Variants in RXFP1 observed in about 807,000 individuals in gnomAD.
RXFP1 encodes the protein relaxin receptor 1.
RXFP1 carries 73 observed loss-of-function variants against 89.8 expected under a neutral mutation model. That is an observed-to-expected ratio of 0.81 (90% confidence interval 0.67 to 0.99). The LOEUF (loss-of-function observed/expected upper bound fraction) is 0.99. Among genes scored for constraint, RXFP1 ranks in the 50% least tolerant of loss-of-function variants. The probability of loss-of-function intolerance (pLI) is 0.00; values close to 1 mark genes in which losing one functional copy is unlikely to be tolerated. For missense variants in RXFP1, 793 were observed against 895.5 expected (o/e 0.89, Z 1.46); for synonymous variants, 277 against 305.5 (o/e 0.91, Z 0.97).
intron 1 of RXFP1, among the ~76,000 whole-genome samples, chr4:158,542,644 T>A (rs1747098381): frequency 6.6e-6 from 1 of 152,226 alleles, no homozygotes; most frequent in African/African-American, 2.4e-5. Context: ...AAACATCACA[T>A]TTATCTATCC....
At chr4:158,546,348 G>C (rs918938318) in intron 1 of RXFP1, among the ~76,000 whole-genome samples, 1 of 152,090 alleles carries the variant, frequency 6.6e-6, no homozygotes, top group Non-Finnish European at 1.5e-5. Context: ...AAGAGATTTT[G>C]GGCTGAGACA....
At chr4:158,649,747 C>A (rs914672393) in intron 17 of RXFP1, among the ~76,000 whole-genome samples, 1 of 152,158 alleles carries the variant, frequency 6.6e-6, no homozygotes, top group African/African-American at 2.4e-5. Flanking sequence ...TTGTGAATTG[C>A]TGGTAGAAAA....
intron 1 of RXFP1, among the ~76,000 whole-genome samples, chr4:158,546,230 T>C (rs1043201123): frequency 2.6e-4 from 40 of 152,188 alleles, no homozygotes; most frequent in African/African-American, 6.5e-4. Context: ...TGGGAGTTCA[T>C]TCATGATTTG....
At chr4:158,558,363 C>G (rs532602349) in intron 1 of RXFP1, among the ~76,000 whole-genome samples, 9 of 152,302 alleles carry the variant, frequency 5.9e-5, no homozygotes, top group African/African-American at 2.2e-4. Context: ...TTGAGCCTTC[C>G]TTATTCATAG....
intron 1 of RXFP1, among the ~76,000 whole-genome samples, chr4:158,534,269 CAG>C (rs1744757139): frequency 7.2e-6 from 1 of 139,114 alleles, no homozygotes; most frequent in Non-Finnish European, 1.5e-5. Flanking sequence ...TTTTTTGAGA[CAG>C]AGTTTCGCTC....
intron 1 of RXFP1, among the ~76,000 whole-genome samples, chr4:158,540,986 A>G (rs535284836): frequency 6.6e-6 from 1 of 152,336 alleles, no homozygotes; most frequent in South Asian, 2.1e-4. Context: ...GTCATTAACA[A>G]TATAATAGCC....
At chr4:158,610,763 A>G in intron 6 of RXFP1, 1 of 1,233,840 alleles carries the variant, frequency 8.1e-7, no homozygotes, top group Non-Finnish European at 1.1e-6. Flanking sequence ...CTGAGGTTGT[A>G]AGTCATTTCT....
At chr4:158,583,979 T>C (rs1279326934) in intron 2 of RXFP1, among the ~76,000 whole-genome samples, 1 of 152,230 alleles carries the variant, frequency 6.6e-6, no homozygotes, top group East Asian at 1.9e-4. Flanking sequence ...GTTTGATGAA[T>C]TGCTCTGCCT....
intron 5 of RXFP1, 72 bp from the exon 6 acceptor site, chr4:158,607,900 C>G: frequency 1.0e-6 from 1 of 975,972 alleles, no homozygotes; most frequent in Non-Finnish European, 1.6e-6. Context: ...CATCCATCCA[C>G]AGAATTCTTT....
At chr4:158,542,109 A>ATATATATATATAT in intron 1 of RXFP1, among the ~76,000 whole-genome samples, 1 of 35,254 alleles carries the variant, frequency 2.8e-5, no homozygotes, top group Non-Finnish European at 5.6e-5. Flanking sequence ...ATATATATAT[A>ATATATATATATAT]TTTTTTTTTT....
At chr4:158,547,354 C>G (rs1395055652) in intron 1 of RXFP1, among the ~76,000 whole-genome samples, 3 of 151,834 alleles carry the variant, frequency 2.0e-5, no homozygotes, top group East Asian at 3.9e-4. Context: ...TTCTTTATTA[C>G]TCTTGCTAGC....
At chr4:158,617,565 T>C (rs1365392421) in intron 9 of RXFP1, among the ~76,000 whole-genome samples, 6 of 152,108 alleles carry the variant, frequency 3.9e-5, no homozygotes, top group African/African-American at 1.4e-4. Flanking sequence ...GTTGTTTTAA[T>C]TTCACTCTAG....
Position 158,633,442 on chromosome 4 carries a change from C to T in RXFP1, c.937C>T (p.Leu313Phe), listed in dbSNP as rs753620951. The T allele has an allele frequency of 2.5e-6, 4 of 1,603,988 alleles. No homozygotes were observed. The highest frequency in any genetic ancestry group is 3.4e-6 in the Non-Finnish European group (4 of 1,172,950). Reference protein sequence around the residue: ...GSNKIENLPPLIFKDLKELSQ... With the variant: ...GSNKIENLPPFIFKDLKELSQ... ...TAATAAGATTGAAAATCTTCCACCG[C>T]TTATATTCAAGGACCTGAAGGAGCT... Residue 313 changes from leucine to phenylalanine, a missense_variant, in exon 12 of 18, where the codon CTT becomes TTT. Physicochemically the swap from Leu to Phe is conservative, Grantham distance 22 (BLOSUM62 0). Coordinates refer to ENST00000307765, the MANE Select transcript of RXFP1 (RefSeq NM_021634.4).
At chr4:158,624,572 C>A (rs28735792) in intron 9 of RXFP1, among the ~76,000 whole-genome samples, 39,529 of 151,752 alleles carry the variant, frequency 0.26, 8,540 homozygotes, top group African/African-American at 0.59. Context: ...GGTTTAAACA[C>A]AGTAAAAAAT....
intron 1 of RXFP1, among the ~76,000 whole-genome samples, chr4:158,556,879 A>G (rs1480071287): frequency 6.6e-6 from 1 of 152,222 alleles, no homozygotes; most frequent in East Asian, 1.9e-4. Flanking sequence ...TATTTTAAAA[A>G]GGTGATACCA....
rs186419888 is a variant in RXFP1, at chr4:158,584,814, C to A, written c.188-8587C>A. ...GGAATCTGCATTTTTTTAACAAATACCACAGATGACTATCAAACCAGTTTA... is the reference window on the plus strand; with the variant it reads ...GGAATCTGCATTTTTTTAACAAATAACACAGATGACTATCAAACCAGTTTA... On this transcript the variant is annotated intron_variant, in intron 2 of 17. Coordinates refer to ENST00000307765, the MANE Select transcript of RXFP1 (RefSeq NM_021634.4). Among the ~76,000 whole-genome samples, 8 of 152,182 alleles carry A rather than the reference C, an allele frequency of 5.3e-5. No homozygotes were observed. The East Asian group carries it at 1.4e-3, about 26-fold the overall frequency.
intron 5 of RXFP1, 53 bp downstream of exon 5, chr4:158,605,192 G>A: frequency 9.2e-7 from 1 of 1,082,804 alleles, no homozygotes; most frequent in Non-Finnish European, 1.4e-6. Flanking sequence ...TTTTGGCCAT[G>A]TCTTTTTCTT....
intron 1 of RXFP1, among the ~76,000 whole-genome samples, chr4:158,544,675 C>T (rs889555844): frequency 6.6e-6 from 1 of 151,864 alleles, no homozygotes; most frequent in Non-Finnish European, 1.5e-5. Context: ...TCAATTCCCA[C>T]CTATGAGTGA....
chr4:158,541,844 G>A (rs1481151988), intron 1 of RXFP1, among the ~76,000 whole-genome samples: 3 of 151,778 alleles, frequency 2.0e-5, no homozygotes, highest in African/African-American at 7.3e-5. Context: ...TTAACATGAA[G>A]TCTATATTTA....
Sources: gnomAD v4.1 joint callset for allele counts (sites outside exome capture counted in the v4.1 genomes callset) on GRCh38, gnomAD v4.1.1 for gene constraint, MANE v1.5 for transcripts, NCBI Gene and HGNC (gene_info 2026-07-23, HGNC 2026-07-21) for gene names.